The following DOCK11 variants were observed in gnomAD, a reference collection of about 807,000 sequenced individuals.
The protein encoded by DOCK11 is dedicator of cytokinesis protein 11.
In DOCK11, 70 loss-of-function variants were observed where a neutral mutation model predicts 169.1. The observed-to-expected ratio is 0.41, with a 90% CI of 0.34 to 0.51. The LOEUF is 0.51. DOCK11 is among the 20% of genes least tolerant of loss of function. DOCK11 has a pLI of 0.10. For missense variants in DOCK11, 1,166 were observed against 1,538.8 expected (o/e 0.76, Z 4.05); for synonymous variants, 529 against 541.3 (o/e 0.98, Z 0.32).
At chrX:118,630,904 T>A (rs112009035) in intron 35 of DOCK11, among the ~76,000 whole-genome samples, 8,033 of 111,016 alleles carry the variant, frequency 0.072, 216 homozygotes, top group Non-Finnish European at 0.082. Flanking sequence ...ACAGGAAGAG[T>A]TCTTGAAGGG....
At chrX:118,557,558 G>A (rs928059945) in intron 6 of DOCK11, among the ~76,000 whole-genome samples, 1 of 109,262 alleles carries the variant, frequency 9.2e-6, no homozygotes, top group Non-Finnish European at 1.9e-5. Context: ...CACGAGGTCA[G>A]ATCGAGACCA....
chrX:118,561,372 T>A lies in DOCK11; in HGVS notation c.559-11T>A. 9.4e-6 allele frequency: 11 copies of A among 1,175,385 alleles called. No individual in the cohort carries two copies. The highest frequency in any genetic ancestry group is 1.8e-5 in the African/African-American group (1 of 56,230). ...TAACAAATGTATCATTGCTGGGTTT[T>A]CCCCATGTAGGTATTCAAGAGACGA... On this transcript the variant is annotated splice_polypyrimidine_tract_variant and intron_variant, in intron 6 of 52. Coordinates refer to ENST00000276202, the MANE Select transcript of DOCK11 (RefSeq NM_144658.4).
intron 23 of DOCK11, 25 bp from the exon 24 acceptor site, chrX:118,605,213 A>G: frequency 9.5e-7 from 1 of 1,050,172 alleles, no homozygotes. Context: ...GTTTGTTTTC[A>G]TAACTAATAA....
chrX:118,578,503 A>C, intron 12 of DOCK11, 22 bp from the exon 13 acceptor site: 1 of 1,203,464 alleles, frequency 8.3e-7, no homozygotes, highest in Non-Finnish European at 1.1e-6. Context: ...AAGAAAGTCT[A>C]ACGGAAGTAC....
chrX:118,680,964 G>T, intron 49 of DOCK11, 94 bp from the exon 50 acceptor site: 1 of 813,381 alleles, frequency 1.2e-6, no homozygotes, highest in South Asian at 2.9e-5. Flanking sequence ...ATAAAGGATG[G>T]GGAGAGTTAA....
chrX:118,613,586 A>C (rs766179957), intron 28 of DOCK11, among the ~76,000 whole-genome samples: 2 of 112,817 alleles, frequency 1.8e-5, no homozygotes, highest in Non-Finnish European at 3.7e-5. Flanking sequence ...TTAAAGAATG[A>C]ATAAGACCAG....
intron 24 of DOCK11, among the ~76,000 whole-genome samples, chrX:118,607,548 A>G (rs926348351): frequency 1.9e-5 from 2 of 106,248 alleles, no homozygotes; most frequent in East Asian, 5.9e-4. Context: ...CAGCCTCCCG[A>G]GTAGCTGGGA....
intron 10 of DOCK11, 126 bp from the exon 11 acceptor site, chrX:118,572,197 C>T: frequency 3.5e-6 from 2 of 578,073 alleles, no homozygotes; most frequent in Non-Finnish European, 5.3e-6. Flanking sequence ...TAGATGAAAA[C>T]ATAAAAAGGG....
chrX:118,681,771 G>A lies in DOCK11; in HGVS notation c.5940G>A (p.Val1980=). The change falls in exon 51 of 53, where the codon GTG becomes GTA. Residue 1980 remains valine (V), a synonymous_variant. Transcript: ENST00000276202. The stretch of plus-strand genomic sequence containing the variant: ...CTAGCAAGTATCCACCTAAGAAAGT[G>A]AGTGAGTTGAAAGACATGTTTAGGT... ...SQASKYPPKK[V]SELKDMFRKF... 1 of 1,204,000 alleles carries A rather than the reference G, an allele frequency of 8.3e-7. No homozygotes were observed. The highest frequency in any genetic ancestry group is 1.1e-6 in the Non-Finnish European group (1 of 891,722).
At chrX:118,516,089 T>TTTC (rs1336995587) in intron 1 of DOCK11, among the ~76,000 whole-genome samples, 1 of 84,533 alleles carries the variant, frequency 1.2e-5, no homozygotes, top group African/African-American at 5.5e-5. Context: ...TTTCTTTTCT[T>TTTC]TTTCTTTTTT....
rs376064945 is a variant in DOCK11, at chrX:118,685,776, G to A, written c.6191G>A (p.Gly2064Asp). The A allele has an allele frequency of 9.1e-6, 11 of 1,210,026 alleles. No homozygotes were observed. The African/African-American group carries it at 1.0e-4, about 12-fold the overall frequency. Residue 2064 changes from glycine to aspartate, a missense_variant, in exon 53 of 53, where the codon GGT (glycine) becomes GAT (aspartate). Gly to Asp is a moderately conservative substitution (Grantham distance 94). Transcript: ENST00000276202. ...CAISGTSSDR[G>D]YGSPRYAEV The stretch of plus-strand genomic sequence containing the variant: ...ATTAGTGGTACATCAAGTGACCGAG[G>A]TTATGGTTCCCCAAGATACGCTGAA...
At chrX:118,501,131 G>T (rs1253380093) in intron 1 of DOCK11, among the ~76,000 whole-genome samples, 1 of 111,122 alleles carries the variant, frequency 9.0e-6, no homozygotes, top group Non-Finnish European at 1.9e-5. Flanking sequence ...TTATAAACAT[G>T]AACTATAAAG....
chrX:118,628,566 A>G (rs780759488), intron 34 of DOCK11, among the ~76,000 whole-genome samples: 30 of 112,701 alleles, frequency 2.7e-4, no homozygotes, highest in Admixed American at 6.6e-4. Flanking sequence ...AAAATATCTA[A>G]TGTGCCTTGT....
At chrX:118,655,079 G>C in intron 44 of DOCK11, 118 bp downstream of exon 44, 1 of 669,089 alleles carries the variant, frequency 1.5e-6, no homozygotes, top group Non-Finnish European at 2.2e-6. Context: ...GTTCACCCTT[G>C]GCCTTATTCA....
In DOCK11 at chrX:118,567,237, T is replaced by C. The variant is rs777699155; in HGVS notation, c.951+584T>C. On this transcript the variant is annotated intron_variant, in intron 9 of 52. Transcript: ENST00000276202. ...CTGTAGACTCTATATTATAGTAGAT[T>C]AGAAGGTTGTGACCCATTTATTCAT... Among the ~76,000 whole-genome samples, 4 of 111,634 alleles carry C rather than the reference T, an allele frequency of 3.6e-5. No individual in the cohort carries two copies. In the East Asian group the frequency reaches 1.1e-3, roughly 31 times the overall value.
intron 7 of DOCK11, among the ~76,000 whole-genome samples, chrX:118,563,260 AAAC>A (rs2012967639): frequency 8.9e-6 from 1 of 111,771 alleles, no homozygotes; most frequent in African/African-American, 3.3e-5. Flanking sequence ...ATACTCTATC[AAAC>A]AAGATTGTTG....
chrX:118,581,805 TAAAAAAAAAAAAA>T (rs35095116), intron 14 of DOCK11, among the ~76,000 whole-genome samples: 21 of 12,743 alleles, frequency 1.6e-3, no homozygotes, highest in East Asian at 2.4e-3. Flanking sequence ...CTCCGTCTCC[TAAAAAAAAAAAAA>T]AAAAAAAAAA....
chrX:118,523,593 G>A (rs1055134771), intron 1 of DOCK11, among the ~76,000 whole-genome samples: 2 of 112,084 alleles, frequency 1.8e-5, no homozygotes, highest in African/African-American at 6.5e-5. Flanking sequence ...CGTTTAGTAA[G>A]GATATTCAAC....
chrX:118,654,384 G>A (rs1405618168), intron 42 of DOCK11, among the ~76,000 whole-genome samples: 5 of 112,064 alleles, frequency 4.5e-5, no homozygotes, highest in African/African-American at 1.6e-4. Flanking sequence ...ATGCTTTTAT[G>A]TCCTGTGAAT....
Sources: allele counts gnomAD v4.1 joint callset (sites outside exome capture counted in the v4.1 genomes callset), GRCh38; gene constraint gnomAD v4.1.1; transcripts MANE v1.5; gene names NCBI Gene and HGNC (gene_info 2026-07-23, HGNC 2026-07-21).